Variants in GBF1 observed in about 807,000 individuals in gnomAD.
GBF1 encodes golgi brefeldin A resistant guanine nucleotide exchange factor 1.
In GBF1, 114 loss-of-function variants were observed where a neutral mutation model predicts 210.5. That is an observed-to-expected ratio of 0.54 (90% confidence interval 0.47 to 0.63). The LOEUF is 0.63. Ranked by LOEUF, GBF1 falls within the 30% of genes least tolerant of loss-of-function variation. The pLI is 0.00. For synonymous variants in GBF1, 850 were observed against 889.2 expected (o/e 0.96, Z 0.78); for missense variants, 1,851 against 2,357.7 (o/e 0.79, Z 4.45).
chr10:102,359,057 T>C, intron 10 of GBF1: 2 of 599,308 alleles, frequency 3.3e-6, no homozygotes, highest in Middle Eastern at 4.3e-4. Flanking sequence ...GTTCTAGTCA[T>C]TGTAGGTCAG....
At chr10:102,259,618 T>G (rs528216330) in intron 2 of GBF1, among the ~76,000 whole-genome samples, 1 of 152,222 alleles carries the variant, frequency 6.6e-6, no homozygotes, top group African/African-American at 2.4e-5. Context: ...GGAGTTTATA[T>G]GAACATAGTT....
intron 22 of GBF1, 104 bp from the exon 23 acceptor site, chr10:102,368,635 T>C (rs894643015): frequency 3.4e-6 from 3 of 886,564 alleles, no homozygotes; most frequent in Admixed American, 2.1e-5. Flanking sequence ...AAAAGGTTTC[T>C]TCCTGGGACT....
intron 20 of GBF1, 115 bp downstream of exon 20, chr10:102,367,325 G>A: frequency 2.3e-6 from 3 of 1,307,764 alleles, no homozygotes; most frequent in Non-Finnish European, 3.3e-6. Flanking sequence ...AGGGAATCAG[G>A]AAGGGCTGGC....
At chr10:102,334,259 A>T (rs555345254) in intron 3 of GBF1, among the ~76,000 whole-genome samples, 2 of 152,212 alleles carry the variant, frequency 1.3e-5, no homozygotes, top group African/African-American at 2.4e-5. Context: ...GCGTAATCCA[A>T]TTGAGAATGC....
intron 3 of GBF1, among the ~76,000 whole-genome samples, chr10:102,288,325 GAT>G (rs2076128043): frequency 7.5e-6 from 1 of 133,164 alleles, no homozygotes; most frequent in African/African-American, 2.5e-5. Flanking sequence ...TTCAGACTGA[GAT>G]ATATAATGAT....
chr10:102,320,921 G>A (rs1033974410), intron 3 of GBF1, among the ~76,000 whole-genome samples: 2 of 151,626 alleles, frequency 1.3e-5, no homozygotes, highest in African/African-American at 4.8e-5. Flanking sequence ...TCAGCCTCCC[G>A]AGTAGCTGGG....
At chr10:102,344,279 A>G (rs1176733993) in intron 4 of GBF1, 97 bp downstream of exon 4, 8 of 1,087,918 alleles carry the variant, frequency 7.4e-6, no homozygotes, top group Middle Eastern at 2.0e-4. Context: ...ATAGTGGGAA[A>G]TTTTTTCCAG....
upstream of GBF1, among the ~76,000 whole-genome samples, chr10:102,242,919 A>G (rs1590410029): frequency 1.2e-5 from 1 of 82,326 alleles, no homozygotes; most frequent in Middle Eastern, 6.0e-3. Flanking sequence ...ACAGAGCAAG[A>G]CTCTGTCTCA....
the GBF1 span, chr10:102,232,222 G>T: frequency 1.5e-5 from 10 of 653,692 alleles, no homozygotes; most frequent in East Asian, 2.7e-4. Flanking sequence ...GGGGCTGCGT[G>T]GGGCTCCTTA....
chr10:102,271,425 C>T (rs1399707637), intron 3 of GBF1, among the ~76,000 whole-genome samples: 3 of 152,040 alleles, frequency 2.0e-5, no homozygotes, highest in South Asian at 2.1e-4. Context: ...CTCAAGCAAT[C>T]CTCCCACCTT....
At chr10:102,258,257 C>G (rs1189169634) in intron 1 of GBF1, among the ~76,000 whole-genome samples, 1 of 148,660 alleles carries the variant, frequency 6.7e-6, no homozygotes, top group Admixed American at 6.8e-5. Context: ...CAGGTCCAAG[C>G]AATTCTCCCA....
chr10:102,370,009 A>G (rs777635842), intron 26 of GBF1, 25 bp downstream of exon 26: 1 of 1,613,490 alleles, frequency 6.2e-7, no homozygotes, highest in East Asian at 2.2e-5. Context: ...ACCCCTGGTG[A>G]GAAAGCCTAA....
chr10:102,285,409 T>C (rs937823918), intron 3 of GBF1, among the ~76,000 whole-genome samples: 59 of 152,186 alleles, frequency 3.9e-4, no homozygotes, highest in African/African-American at 1.4e-3. Context: ...TGGCTCTTTT[T>C]AAGGTGCTAT....
intron 3 of GBF1, among the ~76,000 whole-genome samples, chr10:102,334,259 A>G (rs555345254): frequency 1.4e-4 from 21 of 152,330 alleles, no homozygotes; most frequent in African/African-American, 3.8e-4. Context: ...GCGTAATCCA[A>G]TTGAGAATGC....
At chr10:102,254,024 G>A (rs941365490) in intron 1 of GBF1, among the ~76,000 whole-genome samples, 5 of 152,186 alleles carry the variant, frequency 3.3e-5, no homozygotes, top group South Asian at 2.1e-4. Flanking sequence ...TAGTTTTGTA[G>A]CAGTTATTGT....
chr10:102,307,961 C>G (rs1033224168), intron 3 of GBF1, among the ~76,000 whole-genome samples: 1 of 152,018 alleles, frequency 6.6e-6, no homozygotes, highest in Non-Finnish European at 1.5e-5. Context: ...AATACTACTA[C>G]ACATAGAGCA....
rs1052262771 is a variant in GBF1, at chr10:102,358,885, C to T, written c.1011+156C>T. On this transcript the variant is annotated intron_variant, in intron 10 of 39. Coordinates refer to ENST00000369983, the MANE Select transcript of GBF1 (RefSeq NM_001377137.1). ...CTGCTTCTCAGAATTGGTTGTACTG[C>T]CTTGAAAACCCACAGCATGACTCAC... The T allele has an allele frequency of 6.5e-6, 4 of 617,904 alleles. No individual in the cohort carries two copies. In the South Asian group the frequency reaches 7.9e-5, roughly 12 times the overall value. The allele number at this position is 617,904 out of a possible 1,614,324, so 38.3% of individuals were successfully genotyped here.
At chr10:102,244,702 T>C (rs1013402852), upstream of GBF1, among the ~76,000 whole-genome samples, 2 of 152,096 alleles carry the variant, frequency 1.3e-5, no homozygotes, top group Non-Finnish European at 2.9e-5. Context: ...AAGCCCGATA[T>C]ACTAAGGCAT....
chr10:102,269,983 A>G (rs921020488), intron 3 of GBF1, among the ~76,000 whole-genome samples: 4 of 150,648 alleles, frequency 2.7e-5, no homozygotes, highest in African/African-American at 7.4e-5. Context: ...GGTTCACGCC[A>G]TTCTCCTGCC....
Sources: gnomAD v4.1 joint callset for allele counts (sites outside exome capture counted in the v4.1 genomes callset) on GRCh38, gnomAD v4.1.1 for gene constraint, MANE v1.5 for transcripts, NCBI Gene and HGNC (gene_info 2026-07-23, HGNC 2026-07-21) for gene names.